The following RTRAF variants were observed in gnomAD, a reference collection of about 807,000 sequenced individuals.
The protein encoded by RTRAF is RNA transcription, translation and transport factor.
In RTRAF, 14 loss-of-function variants were observed where a neutral mutation model predicts 34.4. The ratio of observed to expected loss-of-function variants is 0.41; its 90% CI spans 0.27 to 0.64. The LOEUF is 0.64. RTRAF is among the 30% of genes least tolerant of loss of function. RTRAF has a pLI of 0.34. For missense variants in RTRAF, 291 were observed against 288.4 expected (o/e 1.01, Z -0.06); for synonymous variants, 96 against 95.3 (o/e 1.01, Z -0.04).
chr14:51,994,285 A>G (rs1034989657), intron 3 of RTRAF, among the ~76,000 whole-genome samples: 1 of 152,226 alleles, frequency 6.6e-6, no homozygotes, highest in Non-Finnish European at 1.5e-5. Flanking sequence ...GTTAGTACCT[A>G]TAGTAAAAAC....
In RTRAF at chr14:52,004,963, TATAA is replaced by T. The variant is rs1391846325; in HGVS notation, c.*451_*454del. On this transcript the variant is annotated 3_prime_UTR_variant, in exon 8 of 8. Coordinates refer to ENST00000261700, the MANE Select transcript of RTRAF (RefSeq NM_016039.3). Reference sequence around the variant, plus strand: ...ATTGAATCATTTTAGCACCTTTTGATATAAATAGAAATGCACTGATGCAGAGGTA... The same window carrying T: ...ATTGAATCATTTTAGCACCTTTTGATATAGAAATGCACTGATGCAGAGGTA... 1 of 157,652 alleles carries T rather than the reference TATAA, an allele frequency of 6.3e-6. No individual in the cohort carries two copies. The highest frequency in any genetic ancestry group is 2.4e-5 in the African/African-American group (1 of 41,610). The allele number at this position is 157,652 out of a possible 1,614,324, so 9.8% of individuals were successfully genotyped here.
chr14:52,004,143 G>A (rs1890661696), intron 6 of RTRAF, 51 bp from the exon 7 acceptor site: 1 of 1,481,602 alleles, frequency 6.7e-7, no homozygotes, highest in Non-Finnish European at 9.4e-7. Flanking sequence ...TTGAGGAAAG[G>A]ATGCTATTCT....
intron 3 of RTRAF, among the ~76,000 whole-genome samples, chr14:51,995,197 C>G (rs1177981709): frequency 6.6e-6 from 1 of 151,854 alleles, no homozygotes; most frequent in African/African-American, 2.4e-5. Context: ...ACTGAAAACA[C>G]AATTTATTAT....
At chr14:51,997,003 T>A (rs1890531416) in intron 3 of RTRAF, among the ~76,000 whole-genome samples, 1 of 151,946 alleles carries the variant, frequency 6.6e-6, no homozygotes, top group South Asian at 2.1e-4. Context: ...TATACTTTTG[T>A]TAGGAGTAAC....
At chr14:51,991,237 A>G in intron 1 of RTRAF, 80 bp from the exon 2 acceptor site, 1 of 1,408,274 alleles carries the variant, frequency 7.1e-7, no homozygotes, top group Non-Finnish European at 9.8e-7. Context: ...TTCCACAAGA[A>G]CATATATCTG....
intron 6 of RTRAF, among the ~76,000 whole-genome samples, chr14:52,003,099 G>GTTTTA: frequency 6.6e-6 from 1 of 152,100 alleles, no homozygotes; most frequent in East Asian, 1.9e-4. Flanking sequence ...GTAAAATTTA[G>GTTTTA]TTTTATTTTT....
intron 6 of RTRAF, among the ~76,000 whole-genome samples, chr14:52,002,521 CTT>C (rs1409536574): frequency 2.6e-5 from 4 of 152,200 alleles, no homozygotes; most frequent in Non-Finnish European, 4.4e-5. Context: ...GAAATGGTAT[CTT>C]TCAGTCCTAC....
At position 52,009,198 on chromosome 14, in the gene RTRAF, A is replaced by C. The variant is rs538431798; in HGVS notation, c.*4682A>C. On this transcript the variant is annotated 3_prime_UTR_variant, in exon 8 of 8. Transcript: ENST00000261700. ...AAGCTGAGAGCAAAAGCTAGAAAGC[A>C]GTTTCCACTTTGCGCTAAGGTGGAG... is the stretch of plus-strand genomic sequence containing the variant. The C allele has an allele frequency of 2.0e-4, 31 of 152,340 alleles. No homozygotes were observed. The East Asian group carries it at 6.0e-3, about 29-fold the overall frequency. The allele number at this position is 152,340 out of a possible 1,614,324, so 9.4% of individuals were successfully genotyped here.
Position 52,004,779 on chromosome 14 carries a change from T to TAGAGACAATATAGATCC in RTRAF, c.*264_*280dup, listed in dbSNP as rs1890689405. The stretch of plus-strand genomic sequence containing the variant: ...TATATGCCAACCCCCAGCTTTGTCC[T>TAGAGACAATATAGATCC]AGAGACAATATAGATCCTTAAGTCA... On this transcript the variant is annotated 3_prime_UTR_variant, in exon 8 of 8. Transcript: ENST00000261700. 1 of 325,830 alleles carries TAGAGACAATATAGATCC rather than the reference T, an allele frequency of 3.1e-6. No homozygotes were observed. Among genetic ancestry groups the TAGAGACAATATAGATCC allele is most frequent in the Non-Finnish European group, 5.5e-6 (1 of 180,686 alleles). 20.2% of individuals were successfully genotyped at this position (325,830 alleles called of 1,614,324 possible).
At position 52,007,335 on chromosome 14, in the gene RTRAF, GAC is replaced by G. The variant is rs1458232030; in HGVS notation, c.*2825_*2826del. On this transcript the variant is annotated 3_prime_UTR_variant, in exon 8 of 8. Coordinates refer to ENST00000261700, the MANE Select transcript of RTRAF (RefSeq NM_016039.3). ...TTTCATATTCTTTAGTATAGAACTA[GAC>G]ACACAGCATTTTTTCAGTTGTGCTG... is the stretch of plus-strand genomic sequence containing the variant. The G allele has an allele frequency of 1.1e-5, 2 of 174,262 alleles. No homozygotes were observed. The highest frequency in any genetic ancestry group is 4.8e-5 in the African/African-American group (2 of 41,640). 10.8% of individuals were successfully genotyped at this position (174,262 alleles called of 1,614,324 possible).
intron 4 of RTRAF, 43 bp downstream of exon 4, chr14:51,998,623 T>C: frequency 1.5e-6 from 2 of 1,329,278 alleles, no homozygotes; most frequent in Non-Finnish European, 2.1e-6. Context: ...ACATTTTTGG[T>C]TTTTTAAATG....
At chr14:52,003,164 T>C (rs1424715396) in intron 6 of RTRAF, among the ~76,000 whole-genome samples, 1 of 152,218 alleles carries the variant, frequency 6.6e-6, no homozygotes, top group African/African-American at 2.4e-5. Context: ...CCTATAACAA[T>C]TTAGTGGAGT....
At chr14:51,993,959 A>G in intron 3 of RTRAF, 137 bp downstream of exon 3, 1 of 542,528 alleles carries the variant, frequency 1.8e-6, no homozygotes, top group African/African-American at 2.0e-5. Context: ...AGTTAAAAGC[A>G]CTTTTATTGT....
In RTRAF at chr14:52,004,546, T is replaced by G. The variant is rs73301059; in HGVS notation, c.*30T>G. The G allele has an allele frequency of 1.1e-3, 1,756 of 1,560,292 alleles. 13 individuals are homozygous for G. The African/African-American group carries it at 0.027, about 24-fold the overall frequency. The stretch of plus-strand genomic sequence containing the variant: ...TTGAGGACTTCAGCTTCTCACCTAC[T>G]TAGTACAGTTGGGAACCATACACTT... On this transcript the variant is annotated 3_prime_UTR_variant, in exon 8 of 8. Coordinates refer to ENST00000261700, the MANE Select transcript of RTRAF (RefSeq NM_016039.3).
intron 4 of RTRAF, among the ~76,000 whole-genome samples, chr14:51,998,990 G>A (rs1890564425): frequency 6.6e-6 from 1 of 151,932 alleles, no homozygotes; most frequent in Non-Finnish European, 1.5e-5. Flanking sequence ...AAATTATGAT[G>A]TGTAAAATAT....
At chr14:51,996,787 C>G (rs781713232) in intron 3 of RTRAF, among the ~76,000 whole-genome samples, 2 of 151,988 alleles carry the variant, frequency 1.3e-5, no homozygotes, top group Non-Finnish European at 2.9e-5. Context: ...TCACATTTTA[C>G]CAAACCCCCC....
Position 52,006,703 on chromosome 14 carries a change from G to A in RTRAF, c.*2187G>A. The stretch of plus-strand genomic sequence containing the variant: ...GAAAATGAGGTCCTTCAGCTGCTTT[G>A]CCAAAAATGATAGTGACATAGTGAT... On this transcript the variant is annotated 3_prime_UTR_variant, in exon 8 of 8. Transcript: ENST00000261700. The A allele has an allele frequency of 6.2e-7, 1 of 1,606,960 alleles. No homozygotes were observed. Among genetic ancestry groups the A allele is most frequent in the South Asian group, 1.1e-5 (1 of 90,448 alleles).
In RTRAF at chr14:52,008,088, G is replaced by A. The variant is rs1890862527; in HGVS notation, c.*3572G>A. Reference sequence around the variant, plus strand: ...TTATAGCCTTAAGCAATCCCCTTGAGTTTGGGCTGCATTAGTAGTGTCTTG... The same window carrying A: ...TTATAGCCTTAAGCAATCCCCTTGAATTTGGGCTGCATTAGTAGTGTCTTG... On this transcript the variant is annotated 3_prime_UTR_variant, in exon 8 of 8. Coordinates refer to ENST00000261700, the MANE Select transcript of RTRAF (RefSeq NM_016039.3). 1 of 750,074 alleles carries A rather than the reference G, an allele frequency of 1.3e-6. No homozygotes were observed. The highest frequency in any genetic ancestry group is 3.3e-5 in the Admixed American group (1 of 30,656). 46.5% of individuals were successfully genotyped at this position (750,074 alleles called of 1,614,324 possible).
chr14:51,991,303 AT>A lies in RTRAF; in HGVS notation c.62-8del. 2 of 1,610,884 alleles carry A rather than the reference AT, an allele frequency of 1.2e-6. No homozygotes were observed. Among genetic ancestry groups the A allele is most frequent in the Non-Finnish European group, 1.7e-6 (2 of 1,177,850 alleles). Reference sequence around the variant, plus strand: ...TAGTGCTTCTAGTTATTTATGTGATATTTTTTATTGCAGATGAAACAGAATT... The same window carrying A: ...TAGTGCTTCTAGTTATTTATGTGATATTTTTATTGCAGATGAAACAGAATT... On this transcript the variant is annotated splice_polypyrimidine_tract_variant and intron_variant, in intron 1 of 7. Coordinates refer to ENST00000261700, the MANE Select transcript of RTRAF (RefSeq NM_016039.3).
Sources: gnomAD v4.1 joint callset for allele counts (sites outside exome capture counted in the v4.1 genomes callset) on GRCh38, gnomAD v4.1.1 for gene constraint, MANE v1.5 for transcripts, NCBI Gene and HGNC (gene_info 2026-07-23, HGNC 2026-07-21) for gene names.